ZZEF1: variants seen among roughly 807,000 people sequenced by gnomAD.
ZZEF1 encodes zinc finger ZZ-type and EF-hand domain containing 1.
Under a neutral mutation model 342.8 loss-of-function variants are expected in ZZEF1, and 157 were observed. The observed-to-expected ratio is 0.46, with a 90% CI of 0.40 to 0.52. ZZEF1 has a LOEUF of 0.52. Ranked by LOEUF, ZZEF1 falls within the 20% of genes least tolerant of loss-of-function variation. The pLI, the probability that ZZEF1 is intolerant of heterozygous loss-of-function variation, is 0.00. For synonymous variants in ZZEF1, 1,505 were observed against 1,429.1 expected, an observed-to-expected ratio of 1.05 and a Z score of -1.20; for missense variants, 3,480 against 3,725.6, an observed-to-expected ratio of 0.93 and a Z score of 1.72.
At position 4,088,760 on chromosome 17, in the gene ZZEF1, C is replaced by T; in HGVS notation, c.2159G>A (p.Arg720Lys). The T allele has an allele frequency of 6.2e-7, 1 of 1,614,238 alleles. No homozygotes were observed. The highest frequency in any genetic ancestry group is 8.5e-7 in the Non-Finnish European group (1 of 1,180,042). Residue 720 changes from arginine (R) to lysine (K), a missense_variant, in exon 13 of 55, where the codon AGA becomes AAA. By Grantham distance (26) the Arg-to-Lys change is conservative. Transcript: ENST00000381638. ...ACAGACACTCTCCTCTGTGTCCTTTCTGCAGTGTGCACAGGTGACGCTCTG... is the reference window on the plus strand; with the variant it reads ...ACAGACACTCTCCTCTGTGTCCTTTTTGCAGTGTGCACAGGTGACGCTCTG... Reference protein sequence around the residue: ...AEQSVTCAHCRKDTEESVCGA... With the variant: ...AEQSVTCAHCKKDTEESVCGA...
chr17:4,062,671 T>C (rs2057309339), intron 30 of ZZEF1, 82 bp downstream of exon 30: 2 of 1,391,764 alleles, frequency 1.4e-6, no homozygotes, highest in South Asian at 3.0e-5. Flanking sequence ...GAAATGATGC[T>C]GCTATTAATC....
chr17:4,081,459 G>C lies in ZZEF1; in HGVS notation c.2746C>G (p.Pro916Ala). 6.2e-7 allele frequency: 1 copy of C among 1,614,092 alleles called. No individual in the cohort carries two copies. The highest frequency in any genetic ancestry group is 8.5e-7 in the Non-Finnish European group (1 of 1,180,008). The change falls in exon 18 of 55, where the codon CCT becomes GCT. Residue 916 changes from proline (P) to alanine (A), a missense_variant. Transcript: ENST00000381638. ...ATCTTGGCCAGGTCGTTCTTCTCAG[G>C]TAAAAGAAGAAGGCCGCCTGGATCC... The part of the protein sequence containing the change: ...DKDPGGLLLL[P>A]EKNDLAKMNI...
rs1444894907 is a variant in ZZEF1 at position 4,070,713 on chromosome 17, G to A, written c.4046C>T (p.Pro1349Leu). The change falls in exon 26 of 55, where the codon CCA becomes CTA. Residue 1349 changes from proline to leucine, a missense_variant. This residue lies in a region of ZZEF1 where 1,528 missense variants were observed against 1,624.1 expected (regional missense o/e 0.94). Transcript: ENST00000381638. ...ATFAALVYRT[P>L]DLYEKLQKYV... Reference sequence around the variant, plus strand: ...TTTTTGCAGCTTCTCATATAAATCTGGAGTGCGATACACCAGAGCAGCAAA... The same window carrying A: ...TTTTTGCAGCTTCTCATATAAATCTAGAGTGCGATACACCAGAGCAGCAAA... 7 of 1,613,948 alleles carry A rather than the reference G, an allele frequency of 4.3e-6. No homozygotes were observed. The highest frequency in any genetic ancestry group is 5.9e-6 in the Non-Finnish European group (7 of 1,179,982).
Position 4,043,460 on chromosome 17 carries a change from G to A in ZZEF1, c.6166+764C>T, listed in dbSNP as rs552835514. Among the ~76,000 whole-genome samples the A allele has an allele frequency of 4.6e-5, 7 of 152,238 alleles. No homozygotes were observed. In the East Asian group the frequency reaches 7.7e-4, roughly 17 times the overall value. The stretch of plus-strand genomic sequence containing the variant: ...GGGCAGAAGGCCAGGTGCTCACCCC[G>A]CCATCACAGAGCAGGAAGGTGGGGA... On this transcript the variant is annotated intron_variant, in intron 38 of 54. Coordinates refer to ENST00000381638, the MANE Select transcript of ZZEF1 (RefSeq NM_015113.4).
chr17:4,009,231 AGAACTCT>A (rs2055880825), intron 53 of ZZEF1: 1 of 568,342 alleles, frequency 1.8e-6, no homozygotes, highest in Non-Finnish European at 3.1e-6. Flanking sequence ...GGGAAGCTAA[AGAACTCT>A]GAAAGGCCCT....
intron 1 of ZZEF1, 105 bp from the exon 2 acceptor site, chr17:4,124,156 T>C: frequency 7.1e-7 from 1 of 1,400,528 alleles, no homozygotes; most frequent in Non-Finnish European, 9.4e-7. Flanking sequence ...TTATTTATTT[T>C]TGGTTGCAGA....
intron 6 of ZZEF1, among the ~76,000 whole-genome samples, chr17:4,108,212 A>G (rs2058242324): frequency 6.6e-6 from 1 of 152,206 alleles, no homozygotes; most frequent in Non-Finnish European, 1.5e-5. Context: ...AGTTAACAAG[A>G]CTGCATTAGA....
rs573588204 is a variant in ZZEF1, at chr17:4,050,837, C to T, written c.5807G>A (p.Arg1936Gln). Residue 1936 changes from arginine (R) to glutamine (Q), a missense_variant, in exon 36 of 55, where the codon CGG becomes CAG. By Grantham distance (43) the Arg-to-Gln change is conservative. Transcript: ENST00000381638. Reference protein sequence around the residue: ...PQTRSSATTLRSQCMQLVGDC... With the variant: ...PQTRSSATTLQSQCMQLVGDC... ...CCCGACGAGCTGCATGCACTGGCTCCGCAGGGTGGTGGCACTGCTGCGCGT... is the reference window on the plus strand; with the variant it reads ...CCCGACGAGCTGCATGCACTGGCTCTGCAGGGTGGTGGCACTGCTGCGCGT... The T allele has an allele frequency of 3.1e-5, 50 of 1,614,126 alleles. No individual in the cohort carries two copies. The South Asian group carries it at 3.7e-4, about 12-fold the overall frequency.
At chr17:4,142,417 G>A (rs2058873524) in intron 1 of ZZEF1, 125 bp downstream of exon 1, 2 of 1,030,432 alleles carry the variant, frequency 1.9e-6, no homozygotes, top group Non-Finnish European at 2.8e-6. Context: ...AACGCCTGGT[G>A]AAAAGCTGGA....
intron 32 of ZZEF1, among the ~76,000 whole-genome samples, chr17:4,056,566 T>C (rs1053731513): frequency 6.6e-6 from 1 of 152,122 alleles, no homozygotes; most frequent in Non-Finnish European, 1.5e-5. Context: ...CTATAAGGGA[T>C]GAGAAATTAA....
Position 4,050,948 on chromosome 17 carries a change from G to A in ZZEF1, c.5696C>T (p.Ser1899Phe), listed in dbSNP as rs2057032019. ...AGCCAGGGCAGCAAAGAGCAGCCAG[G>A]AGTAGTTATGGATATATGGCTGGAT... The part of the protein sequence containing the change: ...RLIQPYIHNY[S>F]WLLFAALALY... The change falls in exon 36 of 55, where the codon TCC (serine) becomes TTC (phenylalanine). Residue 1899 changes from serine to phenylalanine, a missense_variant. Coordinates refer to ENST00000381638, the MANE Select transcript of ZZEF1 (RefSeq NM_015113.4). 2 of 1,614,144 alleles carry A rather than the reference G, an allele frequency of 1.2e-6. No homozygotes were observed. The highest frequency in any genetic ancestry group is 8.5e-7 in the Non-Finnish European group (1 of 1,180,056).
chr17:4,054,396 T>G (rs138808917), intron 33 of ZZEF1, among the ~76,000 whole-genome samples: 52 of 152,284 alleles, frequency 3.4e-4, no homozygotes, highest in African/African-American at 1.2e-3. Flanking sequence ...ACCAGTGCTT[T>G]CACAGGAAAT....
At chr17:4,136,169 C>T (rs1277808793) in intron 1 of ZZEF1, among the ~76,000 whole-genome samples, 1 of 150,022 alleles carries the variant, frequency 6.7e-6, no homozygotes, top group African/African-American at 2.5e-5. Flanking sequence ...ATGGTGAAAC[C>T]CCCGTCTCTA....
chr17:4,026,306 A>G (rs967929597), intron 42 of ZZEF1, among the ~76,000 whole-genome samples: 2 of 152,168 alleles, frequency 1.3e-5, no homozygotes, highest in Non-Finnish European at 2.9e-5. Context: ...AAATTTTCCA[A>G]ATTTGATGAA....
At chr17:4,099,182 T>C (rs2145424147) in intron 9 of ZZEF1, among the ~76,000 whole-genome samples, 1 of 152,288 alleles carries the variant, frequency 6.6e-6, no homozygotes, top group East Asian at 1.9e-4. Context: ...CTTCTGTGCT[T>C]CCTTTTCTTG....
At chr17:4,018,931 G>C (rs1471193691) in intron 46 of ZZEF1, among the ~76,000 whole-genome samples, 1 of 150,502 alleles carries the variant, frequency 6.6e-6, no homozygotes, top group Non-Finnish European at 1.5e-5. Context: ...GGGATTGCTG[G>C]GTCCCTCTGT....
intron 41 of ZZEF1, 63 bp from the exon 42 acceptor site, chr17:4,032,321 G>C: frequency 6.4e-7 from 1 of 1,565,982 alleles, no homozygotes; most frequent in Non-Finnish European, 8.7e-7. Flanking sequence ...AGAATTCTTA[G>C]GCATAAGCCC....
intron 2 of ZZEF1, 71 bp from the exon 3 acceptor site, chr17:4,117,237 C>T (rs2058410647): frequency 1.6e-6 from 2 of 1,278,878 alleles, no homozygotes; most frequent in Non-Finnish European, 2.2e-6. Context: ...TGCCTGGTGG[C>T]CTATCTGAAT....
intron 32 of ZZEF1, among the ~76,000 whole-genome samples, chr17:4,057,550 A>G (rs2145196915): frequency 6.6e-6 from 1 of 152,284 alleles, no homozygotes. Context: ...TGAGGTCCTT[A>G]TAATGTGCAA....
Sources: gnomAD v4.1 joint callset for allele counts (sites outside exome capture counted in the v4.1 genomes callset) on GRCh38, gnomAD v4.1.1 for gene constraint, gnomAD v4.1.1 regional missense constraint, MANE v1.5 for transcripts, NCBI Gene and HGNC (gene_info 2026-07-23, HGNC 2026-07-21) for gene names.